CAMK1G: variants seen among roughly 807,000 people sequenced by gnomAD.
CAMK1G encodes calcium/calmodulin-dependent protein kinase type 1G.
Under a neutral mutation model 54.8 loss-of-function variants are expected in CAMK1G, and 27 were observed. That is an observed-to-expected ratio of 0.49 (90% CI 0.36 to 0.68). The LOEUF is 0.68. CAMK1G is among the 30% of genes least tolerant of loss of function. The pLI, the probability that CAMK1G is intolerant of heterozygous loss-of-function variation, is 0.00. For synonymous variants in CAMK1G, 238 were observed against 224.9 expected (o/e 1.06, Z -0.52); for missense variants, 512 against 591.0 (o/e 0.87, Z 1.39).
intron 1 of CAMK1G, among the ~76,000 whole-genome samples, chr1:209,584,226 T>C (rs1325942992): frequency 6.6e-6 from 1 of 152,120 alleles, no homozygotes; most frequent in Non-Finnish European, 1.5e-5. Flanking sequence ...TCAAATAAAG[T>C]ATGCCCTCTC....
In CAMK1G at chr1:209,608,993, C is replaced by T; in HGVS notation, c.649C>T (p.Pro217Ser). 6.2e-7 allele frequency: 1 copy of T among 1,614,074 alleles called. No homozygotes were observed. The highest frequency in any genetic ancestry group is 2.2e-5 in the East Asian group (1 of 44,886). Reference protein sequence around the residue: ...VITYILLCGYPPFYEETESKL... With the variant: ...VITYILLCGYSPFYEETESKL... ...GTCCTGCTGCAGGCTCTGTGGATAC[C>T]CCCCATTCTATGAAGAAACGGAGTC... Residue 217 changes from proline to serine, a missense_variant, in exon 8 of 13, where the codon CCC becomes TCC. By Grantham distance (74) the Pro-to-Ser change is moderately conservative. Coordinates refer to ENST00000361322, the MANE Select transcript of CAMK1G (RefSeq NM_020439.3).
intron 2 of CAMK1G, among the ~76,000 whole-genome samples, chr1:209,595,831 A>AAGATGATT (rs1246415470): frequency 6.6e-6 from 1 of 152,164 alleles, no homozygotes; most frequent in African/African-American, 2.4e-5. Context: ...CTGCACCTTG[A>AAGATGATT]AGATGATTAC....
At chr1:209,612,693 CCACAGG>C in intron 11 of CAMK1G, 86 bp from the exon 12 acceptor site, 1 of 1,021,488 alleles carries the variant, frequency 9.8e-7, no homozygotes, top group Non-Finnish European at 1.5e-6. Flanking sequence ...TGAGTGGATG[CCACAGG>C]CACAGAGAAC....
At chr1:209,603,095 C>T in intron 3 of CAMK1G, 119 bp from the exon 4 acceptor site, 1 of 823,430 alleles carries the variant, frequency 1.2e-6, no homozygotes, top group Non-Finnish European at 2.0e-6. Flanking sequence ...TCACAGAGAC[C>T]TAGTCTTCCT....
At chr1:209,593,199 C>T (rs978360976) in intron 1 of CAMK1G, among the ~76,000 whole-genome samples, 4 of 152,156 alleles carry the variant, frequency 2.6e-5, no homozygotes, top group Non-Finnish European at 4.4e-5. Flanking sequence ...CTCAGGTTGG[C>T]CTCCAAAACT....
At chr1:209,598,033 A>T (rs1338438542) in intron 2 of CAMK1G, among the ~76,000 whole-genome samples, 1 of 152,234 alleles carries the variant, frequency 6.6e-6, no homozygotes, top group East Asian at 1.9e-4. Flanking sequence ...CAGATGAGGA[A>T]ACTGGGAATA....
At chr1:209,595,315 G>A (rs1020261770) in intron 2 of CAMK1G, among the ~76,000 whole-genome samples, 4 of 152,140 alleles carry the variant, frequency 2.6e-5, no homozygotes, top group Non-Finnish European at 5.9e-5. Context: ...CAAGCTACAC[G>A]GGAGGCTGAG....
In CAMK1G at chr1:209,601,869, A is replaced by G. The variant is rs117095972; in HGVS notation, c.222-1345A>G. 3.3e-4 allele frequency among the ~76,000 whole-genome samples: 51 copies of G among 152,326 alleles called. 1 individual carries two copies. The East Asian group carries it at 8.3e-3, about 25-fold the overall frequency. ...TCTATAAGAGACACATACTTTTCAG[A>G]CAAGGAAAGTAAAGATTTGAAAACT... On this transcript the variant is annotated intron_variant, in intron 3 of 12. Coordinates refer to ENST00000361322, the MANE Select transcript of CAMK1G (RefSeq NM_020439.3).
chr1:209,602,124 T>C (rs889520742), intron 3 of CAMK1G, among the ~76,000 whole-genome samples: 1 of 152,158 alleles, frequency 6.6e-6, no homozygotes, highest in Non-Finnish European at 1.5e-5. Context: ...ACAAGGGTAA[T>C]GTAGGGCTGG....
rs755917452 is a variant in CAMK1G, at chr1:209,603,262, C to G, written c.270C>G (p.Thr90=). 2.5e-6 allele frequency: 4 copies of G among 1,613,918 alleles called. No individual in the cohort carries two copies. In the Admixed American group the frequency reaches 5.0e-5, roughly 20 times the overall value. Residue 90 remains threonine, a synonymous_variant, in exon 4 of 13, where the codon ACC becomes ACG. Coordinates refer to ENST00000361322, the MANE Select transcript of CAMK1G (RefSeq NM_020439.3). ...CCCTGGAGGACATCTATGAGAGCAC[C>G]ACCCACTACTACCTGGTCATGCAGC... is the stretch of plus-strand genomic sequence containing the variant. ...IVTLEDIYES[T]THYYLVMQLV... is the part of the protein sequence containing the mutation.
intron 1 of CAMK1G, among the ~76,000 whole-genome samples, chr1:209,587,877 C>T (rs767833958): frequency 4.0e-5 from 6 of 151,170 alleles, no homozygotes; most frequent in Non-Finnish European, 5.9e-5. Context: ...TTCCATGATT[C>T]GGTGTGCCCC....
chr1:209,602,272 T>C (rs1230698922), intron 3 of CAMK1G, among the ~76,000 whole-genome samples: 3 of 152,148 alleles, frequency 2.0e-5, no homozygotes, highest in African/African-American at 4.8e-5. Flanking sequence ...TCCCCTGCCC[T>C]AGTCGTGACA....
rs1665617106 is a variant in CAMK1G at position 209,605,115 on chromosome 1, G to A, written c.297-421G>A. Among the ~76,000 whole-genome samples the A allele has an allele frequency of 2.0e-5, 3 of 152,062 alleles. 1 individual carries two copies. The highest frequency in any genetic ancestry group is 2.1e-4 in the South Asian group (1 of 4,824). ...AGAAGAGAAATCTTGATATAAGTAC[G>A]GTTAGTCTCACTTGCATGCCTTCTC... On this transcript the variant is annotated intron_variant, in intron 4 of 12. Transcript: ENST00000361322.
rs1665648025 is a variant in CAMK1G at position 209,606,300 on chromosome 1, A to G, written c.436-20A>G. 2 of 1,612,842 alleles carry G rather than the reference A, an allele frequency of 1.2e-6. No individual in the cohort carries two copies. Among genetic ancestry groups the G allele is most frequent in the South Asian group, 1.1e-5 (1 of 90,894 alleles). On this transcript the variant is annotated intron_variant, in intron 5 of 12. Coordinates refer to ENST00000361322, the MANE Select transcript of CAMK1G (RefSeq NM_020439.3). ...GCTTCAGGTGGTTATATCCTACACT[A>G]CATATTTTTTCTCCTACAGCCCGAA...
At chr1:209,593,288 T>C (rs554732689) in intron 1 of CAMK1G, among the ~76,000 whole-genome samples, 33 of 152,214 alleles carry the variant, frequency 2.2e-4, no homozygotes, top group Non-Finnish European at 3.5e-4. Flanking sequence ...CAAGACCCCA[T>C]AGAGTCTACA....
chr1:209,606,786 G>A (rs1386576381), intron 6 of CAMK1G, among the ~76,000 whole-genome samples: 1 of 152,180 alleles, frequency 6.6e-6, no homozygotes, highest in African/African-American at 2.4e-5. Flanking sequence ...GAGAGCTGAG[G>A]GGTTGAGCAC....
intron 3 of CAMK1G, among the ~76,000 whole-genome samples, chr1:209,602,915 T>TCTAA (rs144377193): frequency 0.015 from 2,326 of 152,316 alleles, 77 homozygotes; most frequent in African/African-American, 0.053. Flanking sequence ...CCTCCATTCT[T>TCTAA]CTAACTGTCT....
At chr1:209,608,870 G>A in intron 7 of CAMK1G, 110 bp from the exon 8 acceptor site, 3 of 1,471,512 alleles carry the variant, frequency 2.0e-6, no homozygotes, top group Non-Finnish European at 1.8e-6. Context: ...CACTGTTCTG[G>A]GACCTTCAGT....
chr1:209,590,712 C>CCT lies in CAMK1G; in HGVS notation c.-29-4242_-29-4241dup, dbSNP rs565841158. On this transcript the variant is annotated intron_variant, in intron 1 of 12. Transcript: ENST00000361322. ...TGGCTGGAAAAGCAGCATCCACAGCCCTGTTGTTCTGTGGAGAGGGGAGAG... is the reference window on the plus strand; with the variant it reads ...TGGCTGGAAAAGCAGCATCCACAGCCCTCTGTTGTTCTGTGGAGAGGGGAGAG... Among the ~76,000 whole-genome samples the CCT allele has an allele frequency of 1.6e-3, 238 of 152,152 alleles. 1 individual carries two copies. Among genetic ancestry groups the CCT allele is most frequent in the African/African-American group, 5.4e-3 (226 of 41,512 alleles).
Sources: allele counts gnomAD v4.1 joint callset (sites outside exome capture counted in the v4.1 genomes callset), GRCh38; gene constraint gnomAD v4.1.1; transcripts MANE v1.5; gene names NCBI Gene and HGNC (gene_info 2026-07-23, HGNC 2026-07-21).